NRG1: variants seen among roughly 807,000 people sequenced by gnomAD.
The protein encoded by NRG1 is neuregulin 1, also known as pro-neuregulin-1, membrane-bound isoform.
In NRG1, 18 loss-of-function variants were observed where a neutral mutation model predicts 63.8. The observed-to-expected ratio is 0.28, with a 90% CI of 0.19 to 0.42. NRG1 has a LOEUF of 0.42. Ranked by LOEUF, NRG1 falls within the 10% of genes least tolerant of loss-of-function variation. The pLI, the probability that NRG1 is intolerant of heterozygous loss-of-function variation, is 1.00. For synonymous variants in NRG1, 302 were observed against 301.3 expected (o/e 1.00, Z -0.02); for missense variants, 762 against 814.7 (o/e 0.94, Z 0.79).
chr8:32,448,297 C>T (rs1820522278), intron 1 of NRG1, among the ~76,000 whole-genome samples: 1 of 152,190 alleles, frequency 6.6e-6, no homozygotes, highest in African/African-American at 2.4e-5. Context: ...CTCTTCAAGA[C>T]TTCTTTTGCC....
At chr8:32,550,575 T>G (rs913422847) in intron 1 of NRG1, among the ~76,000 whole-genome samples, 2 of 152,104 alleles carry the variant, frequency 1.3e-5, no homozygotes, top group African/African-American at 4.8e-5. Flanking sequence ...AGGTAATAGG[T>G]GTGCATTTTG....
intron 1 of NRG1, among the ~76,000 whole-genome samples, chr8:32,394,051 A>C (rs1456314823): frequency 6.6e-6 from 1 of 151,950 alleles, no homozygotes; most frequent in Admixed American, 6.6e-5. Flanking sequence ...AATATGTTTT[A>C]CTCTGCCTGG....
At chr8:32,324,977 G>A (rs1460548196) in intron 1 of NRG1, among the ~76,000 whole-genome samples, 1 of 152,190 alleles carries the variant, frequency 6.6e-6, no homozygotes, top group East Asian at 1.9e-4. Flanking sequence ...TTGTCCGAAT[G>A]TTTAAATTAG....
At chr8:32,423,201 GT>G (rs746850679) in intron 1 of NRG1, among the ~76,000 whole-genome samples, 1 of 152,186 alleles carries the variant, frequency 6.6e-6, no homozygotes, top group African/African-American at 2.4e-5. Flanking sequence ...TATTTTCACA[GT>G]TTTGATGTGT....
At chr8:32,483,995 A>T (rs902090083) in intron 1 of NRG1, among the ~76,000 whole-genome samples, 1 of 151,874 alleles carries the variant, frequency 6.6e-6, no homozygotes, top group Non-Finnish European at 1.5e-5. Context: ...CCCAGCTACT[A>T]GGGAGGCTGA....
At chr8:32,667,608 A>G (rs1430154794) in intron 5 of NRG1, among the ~76,000 whole-genome samples, 8 of 152,012 alleles carry the variant, frequency 5.3e-5, no homozygotes. Context: ...AGCTTCTAAT[A>G]GTACTCTGGG....
chr8:32,320,548 A>G (rs1258571799), intron 1 of NRG1, among the ~76,000 whole-genome samples: 3 of 152,210 alleles, frequency 2.0e-5, no homozygotes, highest in African/African-American at 7.2e-5. Context: ...CTGAAGCAAG[A>G]GGAAGAGAGC....
intron 5 of NRG1, among the ~76,000 whole-genome samples, chr8:32,628,471 G>A (rs1207304668): frequency 6.6e-6 from 1 of 152,052 alleles, no homozygotes; most frequent in Admixed American, 6.5e-5. Flanking sequence ...TATGTTTTAG[G>A]ATACATAGAT....
chr8:32,107,061 A>G (rs1055720938), intron 1 of NRG1, among the ~76,000 whole-genome samples: 7 of 55,810 alleles, frequency 1.3e-4, no homozygotes, highest in Non-Finnish European at 2.5e-4. Flanking sequence ...TACTAAAAAT[A>G]CAACAACAAC....
intron 1 of NRG1, among the ~76,000 whole-genome samples, chr8:31,826,774 A>T (rs913063110): frequency 6.6e-6 from 1 of 152,216 alleles, no homozygotes; most frequent in Non-Finnish European, 1.5e-5. Flanking sequence ...GTCCCATTTC[A>T]GCCCTCAAAT....
chr8:32,098,114 T>C (rs1830114993), intron 1 of NRG1, among the ~76,000 whole-genome samples: 1 of 141,966 alleles, frequency 7.0e-6, no homozygotes, highest in South Asian at 2.3e-4. Flanking sequence ...GAAAAAGCAA[T>C]CAGTACGGTG....
chr8:32,333,051 A>T (rs1467070204), intron 1 of NRG1, among the ~76,000 whole-genome samples: 1 of 152,138 alleles, frequency 6.6e-6, no homozygotes, highest in South Asian at 2.1e-4. Context: ...ACAGTAATTA[A>T]ATGGGACAAT....
At chr8:31,815,983 C>G (rs1029899746) in intron 1 of NRG1, among the ~76,000 whole-genome samples, 2 of 151,924 alleles carry the variant, frequency 1.3e-5, no homozygotes, top group Non-Finnish European at 2.9e-5. Flanking sequence ...GTGTATTCAG[C>G]GTTTGCTTAT....
intron 1 of NRG1, among the ~76,000 whole-genome samples, chr8:31,747,713 A>G (rs1045545036): frequency 6.6e-6 from 1 of 151,910 alleles, no homozygotes; most frequent in Non-Finnish European, 1.5e-5. Context: ...CCACTTCACA[A>G]TCTGTCAACT....
chr8:31,809,686 T>G (rs564403708), intron 1 of NRG1, among the ~76,000 whole-genome samples: 1 of 151,284 alleles, frequency 6.6e-6, no homozygotes, highest in African/African-American at 2.4e-5. Flanking sequence ...ATTGAATCCC[T>G]TAAGCTAGTT....
At chr8:31,907,452 C>T (rs1047022821) in intron 1 of NRG1, among the ~76,000 whole-genome samples, 4 of 150,384 alleles carry the variant, frequency 2.7e-5, no homozygotes, top group South Asian at 2.1e-4. Context: ...ATGTAGTTCT[C>T]GAGAGTTATA....
intron 1 of NRG1, among the ~76,000 whole-genome samples, chr8:31,756,242 A>T (rs1816952985): frequency 6.6e-6 from 1 of 152,156 alleles, no homozygotes; most frequent in Non-Finnish European, 1.5e-5. Context: ...ATTGATTGCC[A>T]TAAAAAATTA....
chr8:32,699,828 G>C (rs1432814013), intron 5 of NRG1, among the ~76,000 whole-genome samples: 2 of 151,974 alleles, frequency 1.3e-5, no homozygotes, highest in Admixed American at 6.6e-5. Flanking sequence ...CTGTGAATAG[G>C]ACAAAGAAAA....
At chr8:32,751,710 G>A (rs1445064000) in intron 7 of NRG1, among the ~76,000 whole-genome samples, 1 of 152,068 alleles carries the variant, frequency 6.6e-6, no homozygotes, top group Non-Finnish European at 1.5e-5. Flanking sequence ...TCATTCTAGT[G>A]CTGTTACATT....
Sources: gnomAD v4.1 joint callset for allele counts (sites outside exome capture counted in the v4.1 genomes callset) on GRCh38, gnomAD v4.1.1 for gene constraint, MANE v1.5 for transcripts, NCBI Gene and HGNC (gene_info 2026-07-23, HGNC 2026-07-21) for gene names.